The following TAX1BP1 variants were observed in gnomAD, a reference collection of about 807,000 sequenced individuals.
The protein encoded by TAX1BP1 is Tax1 binding protein 1.
In TAX1BP1, 62 loss-of-function variants were observed where a neutral mutation model predicts 97.7. The observed-to-expected ratio is 0.63, with a 90% CI of 0.52 to 0.78. The LOEUF is 0.78. Among genes scored for constraint, TAX1BP1 ranks in the 30% least tolerant of loss-of-function variants. TAX1BP1 has a pLI of 0.00. For missense variants in TAX1BP1, 867 were observed against 916.1 expected (o/e 0.95, Z 0.69); for synonymous variants, 340 against 304.2 (o/e 1.12, Z -1.23).
chr7:27,816,580 A>G, intron 14 of TAX1BP1, 60 bp downstream of exon 14: 1 of 1,358,430 alleles, frequency 7.4e-7, no homozygotes, highest in Non-Finnish European at 9.9e-7. Context: ...TATGGTTTAT[A>G]TTTTCATGGA....
chr7:27,804,353 A>G (rs182726334), intron 13 of TAX1BP1, among the ~76,000 whole-genome samples: 2 of 152,290 alleles, frequency 1.3e-5, no homozygotes, highest in African/African-American at 4.8e-5. Context: ...CTTTTTCCAC[A>G]TTTGTCCTTT....
At chr7:27,775,597 G>A (rs1210422700) in intron 5 of TAX1BP1, among the ~76,000 whole-genome samples, 1 of 152,102 alleles carries the variant, frequency 6.6e-6, no homozygotes, top group Admixed American at 6.6e-5. Flanking sequence ...AGATTTGAAG[G>A]CAGAAGTGAA....
intron 13 of TAX1BP1, among the ~76,000 whole-genome samples, chr7:27,800,649 A>T (rs1790098538): frequency 6.6e-6 from 1 of 152,200 alleles, no homozygotes; most frequent in Admixed American, 6.5e-5. Flanking sequence ...CAGTAATTTT[A>T]AAAATTTGGC....
At chr7:27,791,849 C>T (rs1043730404) in intron 8 of TAX1BP1, among the ~76,000 whole-genome samples, 157 bp from the exon 9 acceptor site, 3 of 152,114 alleles carry the variant, frequency 2.0e-5, no homozygotes, top group African/African-American at 7.2e-5. Context: ...AACAAAGTTA[C>T]TTCTTAAGTT....
At chr7:27,801,478 A>C (rs1371714007) in intron 13 of TAX1BP1, among the ~76,000 whole-genome samples, 5 of 152,214 alleles carry the variant, frequency 3.3e-5, no homozygotes, top group Admixed American at 1.3e-4. Context: ...TCATGAATTC[A>C]TATGAAAAGA....
intron 13 of TAX1BP1, chr7:27,803,287 A>G (rs1790208065): frequency 1.8e-6 from 2 of 1,089,774 alleles, no homozygotes; most frequent in Non-Finnish European, 2.4e-6. Flanking sequence ...CAATGTTCAA[A>G]TTTAGGAAAA....
chr7:27,828,934 C>T lies in TAX1BP1; in HGVS notation c.*105C>T, dbSNP rs541215100. ...ACCATAGAGCGGATGCTTTCATGCA[C>T]CCTTTACTGCACTTTCTGACCAGGA... On this transcript the variant is annotated 3_prime_UTR_variant, in exon 17 of 17. Transcript: ENST00000396319. 4 of 848,298 alleles carry T rather than the reference C, an allele frequency of 4.7e-6. No individual in the cohort carries two copies. In the Admixed American group the frequency reaches 8.5e-5, roughly 18 times the overall value. 52.5% of individuals were successfully genotyped at this position (848,298 alleles called of 1,614,324 possible). A position where few individuals can be genotyped will look rare whatever the true frequency, so the allele number is the denominator to read the frequency against.
chr7:27,767,846 A>C (rs1297518333), intron 4 of TAX1BP1, among the ~76,000 whole-genome samples: 3 of 152,208 alleles, frequency 2.0e-5, no homozygotes, highest in Admixed American at 2.0e-4. Flanking sequence ...TTCTTAAGTA[A>C]ATATTTCTGA....
At chr7:27,811,753 G>C (rs1223606240) in intron 13 of TAX1BP1, among the ~76,000 whole-genome samples, 4 of 152,022 alleles carry the variant, frequency 2.6e-5, no homozygotes, top group African/African-American at 9.7e-5. Context: ...TTGCTCATTT[G>C]CATTCGTCCC....
At chr7:27,754,965 A>G (rs1306871400) in intron 2 of TAX1BP1, among the ~76,000 whole-genome samples, 1 of 152,084 alleles carries the variant, frequency 6.6e-6, no homozygotes, top group East Asian at 1.9e-4. Flanking sequence ...TCACTTAATC[A>G]CTTACAATTA....
chr7:27,810,143 A>G (rs1790500213), intron 13 of TAX1BP1, among the ~76,000 whole-genome samples: 1 of 150,944 alleles, frequency 6.6e-6, no homozygotes, highest in Non-Finnish European at 1.5e-5. Context: ...TCCTGACCTC[A>G]TGATCCACCT....
intron 1 of TAX1BP1, among the ~76,000 whole-genome samples, chr7:27,745,102 C>G (rs1787769870): frequency 6.6e-6 from 1 of 152,156 alleles, no homozygotes; most frequent in Admixed American, 6.5e-5. Flanking sequence ...TTACTATACT[C>G]CTGTTTGTAG....
At chr7:27,742,128 G>C (rs1761107132) in intron 1 of TAX1BP1, among the ~76,000 whole-genome samples, 1 of 152,220 alleles carries the variant, frequency 6.6e-6, no homozygotes, top group Non-Finnish European at 1.5e-5. Context: ...GCAGGAGACA[G>C]ATGCCTTCCT....
intron 5 of TAX1BP1, among the ~76,000 whole-genome samples, chr7:27,780,923 TC>T (rs1444164447): frequency 6.6e-6 from 1 of 152,156 alleles, no homozygotes; most frequent in East Asian, 1.9e-4. Context: ...TAAGACTACA[TC>T]ATTGAGTAGT....
At chr7:27,754,862 C>G (rs748082268) in intron 2 of TAX1BP1, among the ~76,000 whole-genome samples, 6 of 152,124 alleles carry the variant, frequency 3.9e-5, no homozygotes, top group Admixed American at 6.5e-5. Context: ...GGATTACAGG[C>G]GTAAACCACC....
chr7:27,748,822 C>A, intron 2 of TAX1BP1, 136 bp downstream of exon 2: 2 of 573,384 alleles, frequency 3.5e-6, no homozygotes, highest in South Asian at 8.0e-5. Flanking sequence ...AAATATTTAA[C>A]AGTGGGGAGT....
chr7:27,780,728 T>A (rs887841559), intron 5 of TAX1BP1, among the ~76,000 whole-genome samples: 6 of 152,206 alleles, frequency 3.9e-5, no homozygotes, highest in Non-Finnish European at 5.9e-5. Context: ...TTATAACTTA[T>A]GTATACATAG....
intron 13 of TAX1BP1, among the ~76,000 whole-genome samples, chr7:27,815,308 ATTC>A (rs1790723048): frequency 6.6e-6 from 1 of 151,950 alleles, no homozygotes; most frequent in African/African-American, 2.4e-5. Flanking sequence ...GCTCCTTTTT[ATTC>A]TTTAGTTTCT....
chr7:27,781,835 C>T (rs187261764), intron 5 of TAX1BP1, among the ~76,000 whole-genome samples: 1,577 of 151,978 alleles, frequency 0.01, 18 homozygotes, highest in Non-Finnish European at 0.013. Flanking sequence ...TCTTGTGCCT[C>T]AGCCTCCGGA....
Sources: gnomAD v4.1 joint callset for allele counts (sites outside exome capture counted in the v4.1 genomes callset) on GRCh38, gnomAD v4.1.1 for gene constraint, MANE v1.5 for transcripts, NCBI Gene and HGNC (gene_info 2026-07-23, HGNC 2026-07-21) for gene names.